Variants in AMMECR1 observed in about 807,000 individuals in gnomAD.
AMMECR1 encodes AMMECR nuclear protein 1, also known as nuclear protein AMMECR1.
In AMMECR1, 3 loss-of-function variants were observed where a neutral mutation model predicts 22.5. That is an observed-to-expected ratio of 0.13 (90% confidence interval 0.06 to 0.35). AMMECR1 has a LOEUF of 0.35. Among genes scored for constraint, AMMECR1 ranks in the 10% least tolerant of loss-of-function variants. AMMECR1 has a pLI of 1.00. For missense variants in AMMECR1, 235 were observed against 278.7 expected (o/e 0.84, Z 1.12); for synonymous variants, 130 against 116.7 (o/e 1.11, Z -0.74).
intron 2 of AMMECR1, among the ~76,000 whole-genome samples, chrX:110,362,940 G>T (rs936072352): frequency 8.9e-6 from 1 of 111,743 alleles, no homozygotes; most frequent in Non-Finnish European, 1.9e-5. Flanking sequence ...ATAGATGAAG[G>T]AACTGAAGTA....
intron 2 of AMMECR1, among the ~76,000 whole-genome samples, chrX:110,361,917 C>G (rs755715437): frequency 8.9e-6 from 1 of 111,752 alleles, no homozygotes; most frequent in Non-Finnish European, 1.9e-5. Context: ...ATGAGCATGG[C>G]TGTGTTCCAA....
At chrX:110,409,874 G>T (rs1453870680) in intron 2 of AMMECR1, among the ~76,000 whole-genome samples, 1 of 111,257 alleles carries the variant, frequency 9.0e-6, no homozygotes, top group Non-Finnish European at 1.9e-5. Context: ...CTGTTGTCAG[G>T]AGCAGAAGGG....
chrX:110,238,138 C>A (rs950630143), intron 2 of AMMECR1, among the ~76,000 whole-genome samples: 1 of 111,746 alleles, frequency 8.9e-6, no homozygotes, highest in Non-Finnish European at 1.9e-5. Flanking sequence ...TCCATTAGCC[C>A]ATTCTGAGTT....
At chrX:110,406,375 C>A (rs377074480) in intron 2 of AMMECR1, among the ~76,000 whole-genome samples, 4 of 110,167 alleles carry the variant, frequency 3.6e-5, no homozygotes, top group Non-Finnish European at 7.6e-5. Flanking sequence ...TCTGATCTTG[C>A]GATAGTTTGC....
At chrX:110,291,174 T>A (rs2067906237) in intron 1 of AMMECR1, among the ~76,000 whole-genome samples, 2 of 110,995 alleles carry the variant, frequency 1.8e-5, no homozygotes, top group Non-Finnish European at 1.9e-5. Flanking sequence ...ACAGAAAATA[T>A]AAAGAAGAAG....
At chrX:110,299,505 T>C (rs1234212271) in intron 1 of AMMECR1, among the ~76,000 whole-genome samples, 1 of 112,215 alleles carries the variant, frequency 8.9e-6, no homozygotes, top group African/African-American at 3.2e-5. Context: ...AAGAAAGGTA[T>C]TCCCTTTTAA....
intron 1 of AMMECR1, among the ~76,000 whole-genome samples, chrX:110,297,250 T>C (rs754872271): frequency 1.2e-3 from 137 of 112,223 alleles, no homozygotes; most frequent in Non-Finnish European, 2.0e-3. Context: ...CACTTCCTGC[T>C]TGCACAGGGT....
intron 1 of AMMECR1, among the ~76,000 whole-genome samples, chrX:110,275,439 G>A (rs1483193958): frequency 9.0e-6 from 1 of 110,677 alleles, no homozygotes; most frequent in Non-Finnish European, 1.9e-5. Context: ...TGTTTCTGAT[G>A]AGAAGTATAT....
intron 2 of AMMECR1, among the ~76,000 whole-genome samples, chrX:110,378,700 G>A (rs750930482): frequency 1.8e-5 from 2 of 111,805 alleles, no homozygotes; most frequent in South Asian, 3.8e-4. Context: ...AGAGATCTCC[G>A]TTCATCAGCC....
chrX:110,236,141 G>C (rs2067599797), intron 2 of AMMECR1, among the ~76,000 whole-genome samples: 1 of 111,961 alleles, frequency 8.9e-6, no homozygotes, highest in South Asian at 3.6e-4. Context: ...CAGTCCTAAT[G>C]ATTACTGATA....
intron 2 of AMMECR1, among the ~76,000 whole-genome samples, chrX:110,329,242 T>C (rs2068111074): frequency 8.9e-6 from 1 of 112,635 alleles, no homozygotes; most frequent in African/African-American, 3.2e-5. Context: ...TTCATATGTT[T>C]CTTGGCCGCA....
intron 2 of AMMECR1, among the ~76,000 whole-genome samples, chrX:110,249,471 T>G (rs1481669916): frequency 8.9e-6 from 1 of 111,762 alleles, no homozygotes; most frequent in African/African-American, 3.3e-5. Flanking sequence ...GTGAAATACT[T>G]TCACCTTCAT....
At chrX:110,290,543 G>A (rs1217357150) in intron 1 of AMMECR1, among the ~76,000 whole-genome samples, 3 of 111,442 alleles carry the variant, frequency 2.7e-5, no homozygotes, top group African/African-American at 9.8e-5. Context: ...TGTGTTTGTA[G>A]CAGTCCTGAT....
At chrX:110,309,666 C>T (rs1414382844) in intron 1 of AMMECR1, 2 of 112,290 alleles carry the variant, frequency 1.8e-5, no homozygotes, top group African/African-American at 3.2e-5. Flanking sequence ...CACTGAAGAT[C>T]GCAAAGATCC....
At chrX:110,348,406 C>T (rs1284193695) in intron 2 of AMMECR1, among the ~76,000 whole-genome samples, 1 of 112,149 alleles carries the variant, frequency 8.9e-6, no homozygotes, top group Non-Finnish European at 1.9e-5. Context: ...TCCATTCTGT[C>T]CCTATAACCT....
chrX:110,213,654 C>T (rs2067458251), intron 3 of AMMECR1, among the ~76,000 whole-genome samples: 1 of 111,463 alleles, frequency 9.0e-6, no homozygotes, highest in Non-Finnish European at 1.9e-5. Flanking sequence ...TTTTTTAATG[C>T]CTTTAATTCC....
chrX:110,325,770 C>A (rs1048272896), intron 2 of AMMECR1, among the ~76,000 whole-genome samples: 2 of 111,366 alleles, frequency 1.8e-5, no homozygotes, highest in African/African-American at 6.5e-5. Flanking sequence ...TTTTTCTATT[C>A]TGTATTTCAT....
intron 2 of AMMECR1, among the ~76,000 whole-genome samples, chrX:110,341,338 G>A (rs980043508): frequency 3.6e-5 from 4 of 112,196 alleles, no homozygotes; most frequent in Non-Finnish European, 7.5e-5. Context: ...TGATAGTTAC[G>A]GAGCAAATTT....
At chrX:110,237,860 AT>A (rs1187481293) in intron 2 of AMMECR1, among the ~76,000 whole-genome samples, 1 of 112,425 alleles carries the variant, frequency 8.9e-6, no homozygotes. Flanking sequence ...AACCTCATTA[AT>A]TTGAACTCTA....
Sources: gnomAD v4.1 joint callset for allele counts (sites outside exome capture counted in the v4.1 genomes callset) on GRCh38, gnomAD v4.1.1 for gene constraint, MANE v1.5 for transcripts, NCBI Gene and HGNC (gene_info 2026-07-23, HGNC 2026-07-21) for gene names.